The following SEC62 variants were observed in gnomAD, a reference collection of about 807,000 sequenced individuals.
SEC62 encodes the protein translocation protein SEC62.
A neutral mutation model predicts 47.5 loss-of-function variants in SEC62; 10 were observed. The observed-to-expected ratio is 0.21, with a 90% CI of 0.13 to 0.36. The LOEUF (loss-of-function observed/expected upper bound fraction) is 0.36. Among genes scored for constraint, SEC62 ranks in the 10% least tolerant of loss-of-function variants. The pLI is 1.00. For synonymous variants in SEC62, 136 were observed against 150.5 expected, an observed-to-expected ratio of 0.90 and a Z score of 0.71; for missense variants, 327 against 464.1, an observed-to-expected ratio of 0.70 and a Z score of 2.71.
intron 7 of SEC62, among the ~76,000 whole-genome samples, chr3:169,990,641 T>A (rs765641646): frequency 2.0e-5 from 3 of 152,194 alleles, no homozygotes; most frequent in Non-Finnish European, 4.4e-5. Context: ...TATCATTGCA[T>A]CATAATTGGA....
chr3:169,985,459 C>G (rs1157580244), intron 5 of SEC62: 2 of 160,354 alleles, frequency 1.2e-5, no homozygotes, highest in African/African-American at 4.8e-5. Context: ...CCAGGCTTGT[C>G]TTGAACTCCT....
chr3:169,981,863 G>A (rs1200028088), intron 3 of SEC62, among the ~76,000 whole-genome samples: 2 of 152,198 alleles, frequency 1.3e-5, no homozygotes, highest in Non-Finnish European at 2.9e-5. Context: ...CAGGAAACGA[G>A]AGAATGGGAA....
chr3:169,974,626 C>T (rs566435215), intron 1 of SEC62, among the ~76,000 whole-genome samples: 1 of 152,330 alleles, frequency 6.6e-6, no homozygotes, highest in South Asian at 2.1e-4. Flanking sequence ...CCATTAATCA[C>T]CTCTTCAAAT....
intron 1 of SEC62, among the ~76,000 whole-genome samples, chr3:169,972,440 G>A (rs1350241016): frequency 1.3e-5 from 2 of 152,146 alleles, no homozygotes; most frequent in East Asian, 3.9e-4. Context: ...TAATTTGGGT[G>A]CTTTCACTTT....
Position 169,992,572 on chromosome 3 carries a change from A to G in SEC62, c.731-22A>G. ...GAGGCAGTGTTTGAATTACTCAATT[A>G]GAGAAATTTTTCTCCCCACAGCTCG... On this transcript the variant is annotated intron_variant, in intron 7 of 7. Transcript: ENST00000337002. The surrounding 1 kb of genome is among the most constrained non-coding windows in gnomAD (Gnocchi z 4.0). 6.5e-7 allele frequency: 1 copy of G among 1,547,822 alleles called. No individual in the cohort carries two copies.
chr3:169,991,339 A>C (rs1266694188), intron 7 of SEC62, among the ~76,000 whole-genome samples: 1 of 152,124 alleles, frequency 6.6e-6, no homozygotes, highest in Non-Finnish European at 1.5e-5. Flanking sequence ...AGAGGATCAC[A>C]TAAAGCCAGG....
At chr3:169,989,573 T>C (rs1482694008) in intron 7 of SEC62, among the ~76,000 whole-genome samples, 1 of 152,054 alleles carries the variant, frequency 6.6e-6, no homozygotes, top group Non-Finnish European at 1.5e-5. Flanking sequence ...TTGGTGCTTT[T>C]TGCCTTTCAA....
Position 169,992,838 on chromosome 3 carries a change from A to T in SEC62, c.975A>T (p.Val325=), listed in dbSNP as rs1265359771. 16 of 1,614,034 alleles carry T rather than the reference A, an allele frequency of 9.9e-6. No homozygotes were observed. Among genetic ancestry groups the T allele is most frequent in the Non-Finnish European group, 1.4e-5 (16 of 1,180,028 alleles). ...AAAAGGAAGATGAGGAGGGGAAAGT[A>T]GGACCAGGAAATCATGGAACAGAAG... ...SEKKEDEEGK[V]GPGNHGTEGS... The change falls in exon 8 of 8, where the codon GTA becomes GTT. Residue 325 remains valine (V), a synonymous_variant. Transcript: ENST00000337002. This position sits in a 1 kb window ranked among gnomAD's most constrained non-coding sequence, Gnocchi z 4.0.
chr3:169,987,677 C>A (rs1715141406), intron 6 of SEC62, among the ~76,000 whole-genome samples: 1 of 152,114 alleles, frequency 6.6e-6, no homozygotes, highest in Non-Finnish European at 1.5e-5. Context: ...TCTTATAATT[C>A]TTTCTTGTGT....
intron 1 of SEC62, among the ~76,000 whole-genome samples, chr3:169,972,675 G>A (rs1227675100): frequency 1.4e-5 from 2 of 147,734 alleles, no homozygotes; most frequent in Non-Finnish European, 3.0e-5. Context: ...CAGTCTGCCT[G>A]CCTCAGCCAC....
chr3:169,993,554 G>T lies in SEC62; in HGVS notation c.*491G>T, dbSNP rs1359448581. 6.5e-6 allele frequency: 1 copy of T among 153,056 alleles called. No individual in the cohort carries two copies. Among genetic ancestry groups the T allele is most frequent in the Non-Finnish European group, 1.5e-5 (1 of 68,408 alleles). The allele number at this position is 153,056 out of a possible 1,614,324, so 9.5% of individuals were successfully genotyped here. On this transcript the variant is annotated 3_prime_UTR_variant, in exon 8 of 8. Coordinates refer to ENST00000337002, the MANE Select transcript of SEC62 (RefSeq NM_003262.4). ...AATTATACCAGGAGATTTCTTTTAA[G>T]ATTCTGAGTTAGCAGAGTTCAAAAC... is the stretch of plus-strand genomic sequence containing the variant.
intron 1 of SEC62, among the ~76,000 whole-genome samples, chr3:169,971,993 T>C (rs1350790421): frequency 6.6e-6 from 1 of 152,252 alleles, no homozygotes; most frequent in Non-Finnish European, 1.5e-5. Context: ...TTCTATGTGT[T>C]CTACATTTGA....
At chr3:169,987,515 C>T (rs1715138042) in intron 6 of SEC62, among the ~76,000 whole-genome samples, 1 of 152,170 alleles carries the variant, frequency 6.6e-6, no homozygotes, top group South Asian at 2.1e-4. Context: ...TCACAACAAC[C>T]TTTGAAGAAT....
At chr3:169,982,042 A>C (rs75356428) in intron 3 of SEC62, among the ~76,000 whole-genome samples, 511 of 152,332 alleles carry the variant, frequency 3.4e-3, no homozygotes, top group African/African-American at 0.012. Context: ...ACTGATAAAA[A>C]GAGAGAAAAC....
intron 3 of SEC62, among the ~76,000 whole-genome samples, chr3:169,979,195 A>T (rs142079622): frequency 3.9e-5 from 6 of 152,360 alleles, no homozygotes; most frequent in East Asian, 3.9e-4. Context: ...TGAGAATAGC[A>T]TAACTTTAAG....
At position 169,992,936 on chromosome 3, in the gene SEC62, G is replaced by A; in HGVS notation, c.1073G>A (p.Gly358Glu). The A allele has an allele frequency of 1.9e-6, 3 of 1,614,008 alleles. No homozygotes were observed. The highest frequency in any genetic ancestry group is 2.5e-6 in the Non-Finnish European group (3 of 1,179,988). ...REDDRSQHSS[G>E]NGNDFEMITK... is the part of the protein sequence containing the mutation. ...GATGATCGATCCCAGCACAGTAGTG[G>A]AAATGGAAATGATTTTGAAATGATA... Residue 358 changes from glycine to glutamate, a missense_variant, in exon 8 of 8, where the codon GGA becomes GAA. Coordinates refer to ENST00000337002, the MANE Select transcript of SEC62 (RefSeq NM_003262.4). The surrounding 1 kb of genome is among the most constrained non-coding windows in gnomAD (Gnocchi z 4.0).
Position 169,975,521 on chromosome 3 carries a change from A to T in SEC62, c.37-87A>T. ...CAAGGCCTGTACTCCACTTGAAAAG[A>T]TTCATAAAATAGATTTGTAAATTAT... On this transcript the variant is annotated intron_variant, in intron 1 of 7. Coordinates refer to ENST00000337002, the MANE Select transcript of SEC62 (RefSeq NM_003262.4). The T allele has an allele frequency of 7.9e-6, 7 of 888,774 alleles. No individual in the cohort carries two copies. The South Asian group carries it at 1.1e-4, about 14-fold the overall frequency. 55.1% of individuals were successfully genotyped at this position (888,774 alleles called of 1,614,324 possible).
chr3:169,979,784 TTA>T lies in SEC62; in HGVS notation c.251+2734_251+2735del, dbSNP rs200888171. Among the ~76,000 whole-genome samples the T allele has an allele frequency of 8.3e-3, 1,265 of 152,328 alleles. 7 individuals are homozygous for T. Among genetic ancestry groups the T allele is most frequent in the Non-Finnish European group, 0.014 (971 of 68,028 alleles). Reference sequence around the variant, plus strand: ...CCTCCCAGTTTGGCCCTTAACTATTTTAGAATTGCTACATATGTGTGAGTTTT... The same window carrying T: ...CCTCCCAGTTTGGCCCTTAACTATTTGAATTGCTACATATGTGTGAGTTTT... On this transcript the variant is annotated intron_variant, in intron 3 of 7. Coordinates refer to ENST00000337002, the MANE Select transcript of SEC62 (RefSeq NM_003262.4).
Position 169,975,084 on chromosome 3 carries a change from C to T in SEC62, c.37-524C>T, listed in dbSNP as rs141538969. On this transcript the variant is annotated intron_variant, in intron 1 of 7. Transcript: ENST00000337002. ...TCACTTGAGGTCAGGAGTTCAAGAC[C>T]ACCCTAGCCAACGTGGCGAAACCCT... is the stretch of plus-strand genomic sequence containing the variant. Among the ~76,000 whole-genome samples, 679 of 152,186 alleles carry T rather than the reference C, an allele frequency of 4.5e-3. 9 individuals carry two copies. Among genetic ancestry groups the T allele is most frequent in the African/African-American group, 0.016 (644 of 41,518 alleles).
Sources: allele counts gnomAD v4.1 joint callset (sites outside exome capture counted in the v4.1 genomes callset), GRCh38; gene constraint gnomAD v4.1.1; non-coding constraint Gnocchi (gnomAD v3.1); transcripts MANE v1.5; gene names NCBI Gene and HGNC (gene_info 2026-07-23, HGNC 2026-07-21).